RAB6A: variants seen among roughly 807,000 people sequenced by gnomAD.
RAB6A encodes the protein RAB6A, member RAS oncogene family.
A neutral mutation model predicts 32.3 loss-of-function variants in RAB6A; 8 were observed. That is an observed-to-expected ratio of 0.25 (90% CI 0.15 to 0.45). The LOEUF (loss-of-function observed/expected upper bound fraction) is 0.45, where lower values mean the gene tolerates loss of function less well. RAB6A is among the 20% of genes least tolerant of loss of function. The pLI is 1.00. For synonymous variants in RAB6A, 73 were observed against 82.1 expected, an observed-to-expected ratio of 0.89 and a Z score of 0.60; for missense variants, 104 against 249.4, an observed-to-expected ratio of 0.42 and a Z score of 3.93.
At chr11:73,748,911 G>A (rs1203910292) in intron 1 of RAB6A, among the ~76,000 whole-genome samples, 5 of 152,054 alleles carry the variant, frequency 3.3e-5, no homozygotes, top group African/African-American at 4.8e-5. Context: ...GATCAATTGA[G>A]GTAAGGAGTT....
At chr11:73,744,002 A>G (rs139233242) in intron 1 of RAB6A, among the ~76,000 whole-genome samples, 18 of 152,150 alleles carry the variant, frequency 1.2e-4, no homozygotes, top group African/African-American at 4.1e-4. Context: ...CTTGAGCCCA[A>G]AAGTTCAACA....
At chr11:73,738,966 C>T (rs1249337231) in intron 1 of RAB6A, among the ~76,000 whole-genome samples, 1 of 150,658 alleles carries the variant, frequency 6.6e-6, no homozygotes, top group Non-Finnish European at 1.5e-5. Context: ...CTAAACTAAA[C>T]TAAACTAAAC....
chr11:73,685,606 C>A (rs1464834394), intron 6 of RAB6A, among the ~76,000 whole-genome samples: 3 of 3,486 alleles, frequency 8.6e-4, no homozygotes, highest in Non-Finnish European at 3.3e-3. Context: ...CGACCAGGTG[C>A]GGTGCCTCAC....
At chr11:73,728,646 TAAATGA>T (rs1946260833) in intron 2 of RAB6A, among the ~76,000 whole-genome samples, 1 of 148,140 alleles carries the variant, frequency 6.8e-6, no homozygotes, top group South Asian at 2.1e-4. Flanking sequence ...ATAATAATAA[TAAATGA>T]AATAAAAATA....
At chr11:73,731,538 CAAAAAAAA>C (rs542226534) in intron 1 of RAB6A, among the ~76,000 whole-genome samples, 3 of 75,432 alleles carry the variant, frequency 4.0e-5, no homozygotes, top group Non-Finnish European at 8.2e-5. Context: ...GACTCCGTCT[CAAAAAAAA>C]AAAAAAAGTG....
intron 1 of RAB6A, among the ~76,000 whole-genome samples, chr11:73,753,060 C>A (rs1946691454): frequency 6.6e-6 from 1 of 152,012 alleles, no homozygotes; most frequent in Non-Finnish European, 1.5e-5. Context: ...AGCAGCCTGG[C>A]AACACAGCAA....
At position 73,694,884 on chromosome 11, in the gene RAB6A, C is replaced by G. The variant is rs116650869; in HGVS notation, c.495+12536G>C. Among the ~76,000 whole-genome samples the G allele has an allele frequency of 5.3e-3, 809 of 152,240 alleles. 7 individuals carry two copies. Among genetic ancestry groups the G allele is most frequent in the African/African-American group, 0.018 (737 of 41,516 alleles). ...ACAAAAAATTAGCTGGGCATGGTGG[C>G]ACACGCGTGCAATCCCAGCTACTCG... On this transcript the variant is annotated intron_variant, in intron 6 of 7. Transcript: ENST00000336083.
chr11:73,729,690 AG>A (rs1441060422), intron 2 of RAB6A: 1 of 152,214 alleles, frequency 6.6e-6, no homozygotes, highest in Non-Finnish European at 1.5e-5. Flanking sequence ...TGCCCCTGCC[AG>A]GATTAGCTTT....
intron 1 of RAB6A, among the ~76,000 whole-genome samples, chr11:73,757,106 T>C (rs534221343): frequency 1.1e-3 from 41 of 37,042 alleles, no homozygotes; most frequent in South Asian, 7.1e-3. Context: ...TACATATATA[T>C]ATATATATAT....
chr11:73,692,834 G>A (rs1308108950), intron 6 of RAB6A, among the ~76,000 whole-genome samples: 7 of 149,968 alleles, frequency 4.7e-5, no homozygotes, highest in African/African-American at 1.5e-4. Flanking sequence ...GTTGGCAGGC[G>A]CCTGTAGTCC....
At chr11:73,736,006 C>CA (rs1946388343) in intron 1 of RAB6A, among the ~76,000 whole-genome samples, 1 of 138,492 alleles carries the variant, frequency 7.2e-6, no homozygotes, top group Non-Finnish European at 1.5e-5. Flanking sequence ...TTTTTGGAAA[C>CA]AGAGTGCAGT....
chr11:73,690,625 A>G (rs1945536800), intron 6 of RAB6A, among the ~76,000 whole-genome samples: 1 of 151,024 alleles, frequency 6.6e-6, no homozygotes, highest in Non-Finnish European at 1.5e-5. Context: ...CTGGAAAAAG[A>G]AGTTACAGAT....
At chr11:73,682,422 G>A (rs1026889331) in intron 6 of RAB6A, among the ~76,000 whole-genome samples, 2 of 152,322 alleles carry the variant, frequency 1.3e-5, no homozygotes, top group East Asian at 3.9e-4. Flanking sequence ...CCAGTACTTT[G>A]AGAGGCTGAG....
In RAB6A at chr11:73,696,045, G is replaced by A. The variant is rs149979137; in HGVS notation, c.495+11375C>T. On this transcript the variant is annotated intron_variant, in intron 6 of 7. Coordinates refer to ENST00000336083, the MANE Select transcript of RAB6A (RefSeq NM_198896.2). The stretch of plus-strand genomic sequence containing the variant: ...ATGAAGTTAACTAAGTAGTTTATAG[G>A]CAGAAATACCACCCTTCAAAGAGCA... Among the ~76,000 whole-genome samples the A allele has an allele frequency of 5.2e-3, 790 of 152,160 alleles. 9 individuals carry two copies. Among genetic ancestry groups the A allele is most frequent in the African/African-American group, 0.018 (743 of 41,508 alleles).
At chr11:73,678,072 C>CA (rs760810795) in intron 7 of RAB6A, 110 bp from the exon 8 acceptor site, 255 of 1,113,672 alleles carry the variant, frequency 2.3e-4, no homozygotes, top group Admixed American at 9.1e-4. Flanking sequence ...AGAGCCTACA[C>CA]ACTCACTATT....
At chr11:73,719,813 G>A (rs1351088921) in intron 3 of RAB6A, among the ~76,000 whole-genome samples, 3 of 151,646 alleles carry the variant, frequency 2.0e-5, no homozygotes, top group Admixed American at 1.3e-4. Flanking sequence ...ATGGGGTTTC[G>A]CCATGTTGGC....
intron 1 of RAB6A, among the ~76,000 whole-genome samples, chr11:73,739,284 A>AAAAAATATATATATAT (rs1208877325): frequency 1.5e-4 from 1 of 6,762 alleles, no homozygotes; most frequent in Non-Finnish European, 3.4e-4. Context: ...AAAAAAAAAA[A>AAAAAATATATATATAT]ATATATATAT....
chr11:73,741,969 AAAAC>A (rs1203056352), intron 1 of RAB6A, among the ~76,000 whole-genome samples: 7 of 152,144 alleles, frequency 4.6e-5, no homozygotes, highest in African/African-American at 1.7e-4. Context: ...TTTAAAAAGA[AAAAC>A]AAAATTAAAA....
At chr11:73,728,256 C>T (rs1215756898) in intron 2 of RAB6A, among the ~76,000 whole-genome samples, 2 of 152,114 alleles carry the variant, frequency 1.3e-5, no homozygotes, top group African/African-American at 4.8e-5. Flanking sequence ...AAGCGTTCAG[C>T]CTTTCACATT....
Sources: gnomAD v4.1 joint callset for allele counts (sites outside exome capture counted in the v4.1 genomes callset) on GRCh38, gnomAD v4.1.1 for gene constraint, MANE v1.5 for transcripts, NCBI Gene and HGNC (gene_info 2026-07-23, HGNC 2026-07-21) for gene names.